Variants in UBR4 observed in about 807,000 individuals in gnomAD.
UBR4 encodes ubiquitin protein ligase E3 component n-recognin 4, also known as E3 ubiquitin-protein ligase UBR4.
A neutral mutation model predicts 575.6 loss-of-function variants in UBR4; 124 were observed. The observed-to-expected ratio is 0.22, with a 90% confidence interval of 0.19 to 0.25. The LOEUF (loss-of-function observed/expected upper bound fraction) is 0.25, where lower values mean the gene tolerates loss of function less well. UBR4 is among the 10% of genes least tolerant of loss of function. The pLI, the probability that UBR4 is intolerant of heterozygous loss-of-function variation, is 1.00. For synonymous variants in UBR4, 2,455 were observed against 2,473.7 expected (o/e 0.99, Z 0.22); for missense variants, 4,818 against 6,478.8 (o/e 0.74, Z 8.80).
chr1:19,105,040 T>C lies in UBR4; in HGVS notation c.12645+8A>G, dbSNP rs770386909. ...GAAGGGGCTCTCTTGGGCAATAGGG[T>C]AGGATACCTTGGTGATGAGGTTGCC... On this transcript the variant is annotated splice_region_variant and intron_variant, in intron 85 of 105. Transcript: ENST00000375254. 2 of 1,613,150 alleles carry C rather than the reference T, an allele frequency of 1.2e-6. No homozygotes were observed. Among genetic ancestry groups the C allele is most frequent in the East Asian group, 2.2e-5 (1 of 44,878 alleles).
rs187195570 is a variant in UBR4, at chr1:19,100,956, C to A, written c.13024-383G>T. Among the ~76,000 whole-genome samples, 586 of 152,122 alleles carry A rather than the reference C, an allele frequency of 3.9e-3. 4 individuals are homozygous for A. Among genetic ancestry groups the A allele is most frequent in the Middle Eastern group, 0.017 (5 of 292 alleles). ...GGCCAGAGGACTTTGTCACTGATGA[C>A]CCTGAAGTCAAGAAAAGGGCTTCTC... On this transcript the variant is annotated intron_variant, in intron 88 of 105. Transcript: ENST00000375254. This position sits in a 1 kb window ranked among gnomAD's most constrained non-coding sequence, Gnocchi z 4.2.
At chr1:19,143,588 G>C (rs1417119111) in intron 55 of UBR4, among the ~76,000 whole-genome samples, 1 of 152,166 alleles carries the variant, frequency 6.6e-6, no homozygotes, top group African/African-American at 2.4e-5. Flanking sequence ...TTAATGAAGA[G>C]CTTCTATCCC....
intron 20 of UBR4, among the ~76,000 whole-genome samples, chr1:19,175,235 C>G (rs1190002492): frequency 6.6e-6 from 1 of 151,592 alleles, no homozygotes; most frequent in Non-Finnish European, 1.5e-5. Context: ...CCTCTACCCC[C>G]TGAATGCCAG....
chr1:19,128,896 G>A, intron 61 of UBR4, 82 bp downstream of exon 61: 1 of 1,298,374 alleles, frequency 7.7e-7, no homozygotes, highest in South Asian at 1.2e-5. Flanking sequence ...AAGGCTTCCA[G>A]GTCCTCTGGA....
intron 57 of UBR4, 138 bp downstream of exon 57, chr1:19,141,209 T>A (rs928200114): frequency 8.5e-7 from 1 of 1,179,982 alleles, no homozygotes; most frequent in Admixed American, 2.3e-5. Flanking sequence ...TCCACCTGTA[T>A]CTCTGAACAG....
chr1:19,113,833 A>G lies in UBR4; in HGVS notation c.11329-6T>C, dbSNP rs2080175614. On this transcript the variant is annotated splice_region_variant and splice_polypyrimidine_tract_variant and intron_variant, in intron 76 of 105. Transcript: ENST00000375254. Reference sequence around the variant, plus strand: ...CCTGCTGTTCCTGAGTCATCCTGCAACCCCAAGAGGTAAGCTGTCAGGCTC... The same window carrying G: ...CCTGCTGTTCCTGAGTCATCCTGCAGCCCCAAGAGGTAAGCTGTCAGGCTC... 6.2e-7 allele frequency: 1 copy of G among 1,614,156 alleles called. No individual in the cohort carries two copies. The highest frequency in any genetic ancestry group is 2.2e-5 in the East Asian group (1 of 44,884).
Position 19,186,549 on chromosome 1 carries a change from T to G in UBR4, c.1741A>C (p.Ser581Arg). The G allele has an allele frequency of 6.2e-7, 1 of 1,613,980 alleles. No homozygotes were observed. The highest frequency in any genetic ancestry group is 8.5e-7 in the Non-Finnish European group (1 of 1,179,928). ...EDDFSSTEED[S>R]SQDDDSEPIL... ...AAAGAGCGGCCTCTACCTTGGCTGC[T>G]GTCCTCCTCCGTGCTACTGAAATCG... Residue 581 changes from serine (S) to arginine (R), a missense_variant, in exon 14 of 106, where the codon AGC (serine) becomes CGC (arginine). Ser to Arg is a moderately radical substitution (Grantham distance 110). This residue lies in a region of UBR4 where 162 missense variants were observed against 216.4 expected (regional missense o/e 0.75). Transcript: ENST00000375254.
In UBR4 at chr1:19,078,096, G is replaced by C. The variant is rs189561150; in HGVS notation, c.15234-30C>G. 2.8e-3 allele frequency: 4,451 copies of C among 1,606,862 alleles called. 7 individuals are homozygous for C. The highest frequency in any genetic ancestry group is 3.1e-3 in the Non-Finnish European group (3,641 of 1,175,412). On this transcript the variant is annotated intron_variant, in intron 103 of 105. Coordinates refer to ENST00000375254, the MANE Select transcript of UBR4 (RefSeq NM_020765.3). ...AAAAGAAAATCCAGTTCCATCACAT[G>C]AAGTCCCTAGGAGGATACTCACAAG...
Position 19,153,502 on chromosome 1 carries a change from T to C in UBR4, c.6631A>G (p.Ile2211Val). 1.2e-6 allele frequency: 2 copies of C among 1,613,810 alleles called. No homozygotes were observed. The highest frequency in any genetic ancestry group is 1.7e-6 in the Non-Finnish European group (2 of 1,179,938). Reference protein sequence around the residue: ...EIKTLPAKAKIQDMVAIRHTA... With the variant: ...EIKTLPAKAKVQDMVAIRHTA... ...TGCCTAATAGCAACCATGTCTTGGA[T>C]CTAGGAGGAGAGGACAAAGGAGGGT... The change falls in exon 46 of 106, where the codon ATC (isoleucine) becomes GTC (valine). Residue 2211 changes from isoleucine to valine, a missense_variant and splice_region_variant. Ile to Val is a conservative substitution (Grantham distance 29). Coordinates refer to ENST00000375254, the MANE Select transcript of UBR4 (RefSeq NM_020765.3). The surrounding 1 kb of genome is among the most constrained non-coding windows in gnomAD (Gnocchi z 4.1).
Position 19,156,898 on chromosome 1 carries a change from G to A in UBR4, c.5788C>T (p.Leu1930=). Residue 1930 remains leucine, a synonymous_variant, in exon 41 of 106, where the codon CTG becomes TTG. Transcript: ENST00000375254. ...CTTTTGCTGGAATCTGCTTGCTTCA[G>A]GAGTGCAGAGAGCTGCAGAACGGTG... ...KITVLQLSAL[L]KQADSSKRKL... 6.2e-7 allele frequency: 1 copy of A among 1,614,136 alleles called. No homozygotes were observed. The highest frequency in any genetic ancestry group is 8.5e-7 in the Non-Finnish European group (1 of 1,179,998).
In UBR4 at chr1:19,126,617, T is replaced by G. The variant is rs143005308; in HGVS notation, c.9267A>C (p.Leu3089=). The change falls in exon 64 of 106, where the codon CTA becomes CTC. Residue 3089 remains leucine, a synonymous_variant. Coordinates refer to ENST00000375254, the MANE Select transcript of UBR4 (RefSeq NM_020765.3). ...AGTAGTCCACAGCCCCAGAGCTCAG[T>G]AGAGCTGCTGCTGTGGCACTGGAGA... ...SLISSATAAA[L]LSSGAVDYCL... 3 of 1,613,990 alleles carry G rather than the reference T, an allele frequency of 1.9e-6. No homozygotes were observed. Among genetic ancestry groups the G allele is most frequent in the Middle Eastern group, 1.7e-4 (1 of 5,914 alleles).
chr1:19,173,751 G>T, intron 22 of UBR4, 130 bp from the exon 23 acceptor site: 1 of 884,262 alleles, frequency 1.1e-6, no homozygotes, highest in Non-Finnish European at 1.7e-6. Context: ...ATTGAGATTT[G>T]GCCCCCAAGT....
rs138382303 is a variant in UBR4, at chr1:19,168,065, G to A, written c.3861C>T (p.Thr1287=). 10 of 1,613,678 alleles carry A rather than the reference G, an allele frequency of 6.2e-6. No individual in the cohort carries two copies. The highest frequency in any genetic ancestry group is 2.7e-5 in the African/African-American group (2 of 75,024). ...CAGTCAACCTGACCAGTGAGAGGAG[G>A]GTATGCTTCAGGGAAGCAGCCAGGG... ...SLPLAASLKH[T]LLSLVRLTGD... The change falls in exon 28 of 106, where the codon ACC becomes ACT. Residue 1287 remains threonine, a synonymous_variant. Transcript: ENST00000375254.
In UBR4 at chr1:19,184,869, C is replaced by A. The variant is rs575964297; in HGVS notation, c.1938+230G>T. 5.9e-5 allele frequency among the ~76,000 whole-genome samples: 9 copies of A among 152,320 alleles called. No individual in the cohort carries two copies. The East Asian group carries it at 1.3e-3, about 23-fold the overall frequency. On this transcript the variant is annotated intron_variant, in intron 15 of 105. Transcript: ENST00000375254. ...ACTAAGGCTAGAAAAAATTCAGATTCTTGCCCAAAGTCACAAAGCCATTAA... is the reference window on the plus strand; with the variant it reads ...ACTAAGGCTAGAAAAAATTCAGATTATTGCCCAAAGTCACAAAGCCATTAA...
Position 19,117,104 on chromosome 1 carries a change from G to A in UBR4, c.10823+117C>T. ...CTTTGGTCATGAATGGAGGGGCCAAGAGGATGTATTAGGCCTCTAGGGATG... is the reference window on the plus strand; with the variant it reads ...CTTTGGTCATGAATGGAGGGGCCAAAAGGATGTATTAGGCCTCTAGGGATG... On this transcript the variant is annotated intron_variant, in intron 73 of 105. Transcript: ENST00000375254. This position sits in a 1 kb window ranked among gnomAD's most constrained non-coding sequence, Gnocchi z 4.0. The A allele has an allele frequency of 9.1e-7, 1 of 1,097,808 alleles. No homozygotes were observed. Among genetic ancestry groups the A allele is most frequent in the African/African-American group, 1.6e-5 (1 of 63,820 alleles). The allele number at this position is 1,097,808 out of a possible 1,614,324, so 68.0% of individuals were successfully genotyped here. A position where few individuals can be genotyped will look rare whatever the true frequency, so the allele number is the denominator to read the frequency against.
rs754206993 is a variant in UBR4, at chr1:19,145,826, T to G, written c.7912A>C (p.Lys2638Gln). 10 of 1,614,060 alleles carry G rather than the reference T, an allele frequency of 6.2e-6. No homozygotes were observed. The African/African-American group carries it at 1.1e-4, about 17-fold the overall frequency. ...HFWKLHASKP[K>Q]NAFLAPACLP... Reference sequence around the variant, plus strand: ...CAGGCAGGTGCCAAGAAGGCATTCTTGGGTTTGGATGCATGGAGTTTCCAG... The same window carrying G: ...CAGGCAGGTGCCAAGAAGGCATTCTGGGGTTTGGATGCATGGAGTTTCCAG... The change falls in exon 53 of 106, where the codon AAG becomes CAG. Residue 2638 changes from lysine to glutamine, a missense_variant. Lys to Gln is a moderately conservative substitution (Grantham distance 53). Transcript: ENST00000375254.
At position 19,074,635 on chromosome 1, in the gene UBR4, C is replaced by T; in HGVS notation, c.*197G>A. 1.6e-6 allele frequency: 1 copy of T among 636,252 alleles called. No individual in the cohort carries two copies. The highest frequency in any genetic ancestry group is 1.8e-5 in the African/African-American group (1 of 54,886). The allele number at this position is 636,252 out of a possible 1,614,324, so 39.4% of individuals were successfully genotyped here. A position where few individuals can be genotyped will look rare whatever the true frequency, so the allele number is the denominator to read the frequency against. On this transcript the variant is annotated 3_prime_UTR_variant, in exon 106 of 106. Transcript: ENST00000375254. ...CTTTGATGGCTTGGGTTACAGACAA[C>T]CTCATAGCTGGTGCACCACACACAC...
At chr1:19,128,940 T>A in intron 61 of UBR4, 38 bp downstream of exon 61, 5 of 1,589,008 alleles carry the variant, frequency 3.1e-6, no homozygotes, top group Non-Finnish European at 4.3e-6. Flanking sequence ...GACGGTCCAA[T>A]CATGACCTGA....
chr1:19,074,575 C>G lies in UBR4; in HGVS notation c.*257G>C. 1.9e-6 allele frequency: 1 copy of G among 532,414 alleles called. No homozygotes were observed. Among genetic ancestry groups the G allele is most frequent in the Non-Finnish European group, 3.4e-6 (1 of 294,292 alleles). The allele number at this position is 532,414 out of a possible 1,614,324, so 33.0% of individuals were successfully genotyped here. A position where few individuals can be genotyped will look rare whatever the true frequency, so the allele number is the denominator to read the frequency against. Reference sequence around the variant, plus strand: ...GTGCACACTCAAGTATGAAGCTGGCCGGGACAACTCATGGCTCCTAGGTAT... The same window carrying G: ...GTGCACACTCAAGTATGAAGCTGGCGGGGACAACTCATGGCTCCTAGGTAT... On this transcript the variant is annotated 3_prime_UTR_variant, in exon 106 of 106. Coordinates refer to ENST00000375254, the MANE Select transcript of UBR4 (RefSeq NM_020765.3).
Sources: allele counts gnomAD v4.1 joint callset (sites outside exome capture counted in the v4.1 genomes callset), GRCh38; gene constraint gnomAD v4.1.1; regional missense constraint gnomAD v4.1.1; non-coding constraint Gnocchi (gnomAD v3.1); transcripts MANE v1.5; gene names NCBI Gene and HGNC (gene_info 2026-07-23, HGNC 2026-07-21).